Variants in P2RY8 observed in about 807,000 individuals in gnomAD.
The protein encoded by P2RY8 is P2Y receptor family member 8, also known as S-geranylgeranyl-glutathione receptor P2RY8.
In P2RY8, 6 loss-of-function variants were observed where a neutral mutation model predicts 10.0. That is an observed-to-expected ratio of 0.60 (90% confidence interval 0.33 to 1.19). The LOEUF (loss-of-function observed/expected upper bound fraction) is 1.19, where lower values mean the gene tolerates loss of function less well. P2RY8 is among the 50% of genes most tolerant of loss of function. The probability of loss-of-function intolerance (pLI) is 0.04; values close to 1 mark genes in which losing one functional copy is unlikely to be tolerated. For synonymous variants in P2RY8, 276 were observed against 252.5 expected (o/e 1.09, Z -0.88); for missense variants, 456 against 542.0 (o/e 0.84, Z 1.58).
At position 1,516,256 on chromosome X, in the gene P2RY8, T is replaced by C. The variant is rs779932278; in HGVS notation, c.-25+20665A>G. 2.7e-5 allele frequency among the ~76,000 whole-genome samples: 4 copies of C among 146,066 alleles called. No individual in the cohort carries two copies. In the East Asian group the frequency reaches 8.2e-4, roughly 30 times the overall value. ...AAGAGACCGCAGAGCATCCACGTAC[T>C]CCCTCCTTCTCTCCCTCCCTCCATT... On this transcript the variant is annotated intron_variant, in intron 1 of 1. Coordinates refer to ENST00000381297, the MANE Select transcript of P2RY8 (RefSeq NM_178129.5).
rs769463094 is a variant in P2RY8 at position 1,502,434 on chromosome X, C to G, written c.-25+34487G>C. Reference sequence around the variant, plus strand: ...CCAGGGACAGGACCCCGCTGCGAGCCAGGTTCCTCTTTCTACTGACTCTCT... The same window carrying G: ...CCAGGGACAGGACCCCGCTGCGAGCGAGGTTCCTCTTTCTACTGACTCTCT... On this transcript the variant is annotated intron_variant, in intron 1 of 1. Transcript: ENST00000381297. 1.5e-4 allele frequency among the ~76,000 whole-genome samples: 23 copies of G among 152,208 alleles called. No homozygotes were observed. The South Asian group carries it at 4.4e-3, about 29-fold the overall frequency.
At position 1,517,029 on chromosome X, in the gene P2RY8, C is replaced by T. The variant is rs187551182; in HGVS notation, c.-25+19892G>A. 1.5e-3 allele frequency among the ~76,000 whole-genome samples: 235 copies of T among 151,810 alleles called. 1 individual carries two copies. The highest frequency in any genetic ancestry group is 5.5e-3 in the African/African-American group (226 of 41,418). On this transcript the variant is annotated intron_variant, in intron 1 of 1. Coordinates refer to ENST00000381297, the MANE Select transcript of P2RY8 (RefSeq NM_178129.5). ...GAGGACACAGACACACACAGATGGA[C>T]GACTCTGTGAGGACACAGGGAGAAA...
intron 1 of P2RY8, among the ~76,000 whole-genome samples, chrX:1,502,468 T>C (rs28642991): frequency 0.037 from 5,575 of 152,160 alleles, 338 homozygotes; most frequent in African/African-American, 0.12. Flanking sequence ...CTGGGGACCC[T>C]GTTTGCCTCC....
At chrX:1,502,045 G>T (rs2092186102) in intron 1 of P2RY8, among the ~76,000 whole-genome samples, 1 of 152,080 alleles carries the variant, frequency 6.6e-6, no homozygotes, top group Non-Finnish European at 1.5e-5. Flanking sequence ...TGAATATCTG[G>T]AACTACAGGC....
chrX:1,510,208 C>T (rs1186878339), intron 1 of P2RY8, among the ~76,000 whole-genome samples: 1 of 152,094 alleles, frequency 6.6e-6, no homozygotes, highest in Non-Finnish European at 1.5e-5. Flanking sequence ...CATCCGTCTA[C>T]CTCAATATCT....
intron 1 of P2RY8, among the ~76,000 whole-genome samples, chrX:1,510,198 C>T (rs1255502109): frequency 1.1e-4 from 17 of 152,104 alleles, no homozygotes; most frequent in South Asian, 4.1e-4. Context: ...CTAATCTATT[C>T]ATCCGTCTAC....
chrX:1,535,603 C>T (rs1451508239), intron 1 of P2RY8, among the ~76,000 whole-genome samples: 1 of 151,862 alleles, frequency 6.6e-6, no homozygotes, highest in Non-Finnish European at 1.5e-5. Context: ...TCCCCACGGG[C>T]TTCAGCTCCT....
intron 1 of P2RY8, among the ~76,000 whole-genome samples, chrX:1,534,121 A>ATAT (rs2092505913): frequency 3.1e-5 from 4 of 130,152 alleles, no homozygotes; most frequent in African/African-American, 9.2e-5. Context: ...ATTTACATAT[A>ATAT]TTATATATTT....
intron 1 of P2RY8, among the ~76,000 whole-genome samples, chrX:1,531,068 G>A (rs532290598): frequency 0.21 from 31,081 of 149,620 alleles, 3,417 homozygotes; most frequent in African/African-American, 0.27. Context: ...CTGTCTGTCT[G>A]TCTATCTATC....
At chrX:1,521,625 T>G (rs1255131063) in intron 1 of P2RY8, among the ~76,000 whole-genome samples, 5 of 152,206 alleles carry the variant, frequency 3.3e-5, no homozygotes, top group African/African-American at 1.2e-4. Flanking sequence ...ACTTGGACCC[T>G]GCCTGCAGGA....
At chrX:1,519,659 T>G (rs1347755639) in intron 1 of P2RY8, among the ~76,000 whole-genome samples, 2 of 151,920 alleles carry the variant, frequency 1.3e-5, no homozygotes, top group Admixed American at 1.3e-4. Flanking sequence ...TTATCTCTGT[T>G]CCCCAATATT....
chrX:1,493,426 AGGAGGGAGGG>A (rs2092081730), intron 1 of P2RY8, among the ~76,000 whole-genome samples: 1 of 44,634 alleles, frequency 2.2e-5, no homozygotes, highest in Non-Finnish European at 4.5e-5. Context: ...AGGAGGAAGG[AGGAGGGAGGG>A]AAGGAGGAGG....
chrX:1,534,057 TA>T (rs1483358411), intron 1 of P2RY8, among the ~76,000 whole-genome samples: 1 of 126,822 alleles, frequency 7.9e-6, no homozygotes, highest in Non-Finnish European at 1.5e-5. Context: ...TTTACATATA[TA>T]TTTGTATATT....
At chrX:1,483,839 C>G (rs2091961227) in intron 1 of P2RY8, among the ~76,000 whole-genome samples, 1 of 151,774 alleles carries the variant, frequency 6.6e-6, no homozygotes, top group South Asian at 2.1e-4. Context: ...CTCCTAAACC[C>G]AATGCTGACC....
chrX:1,522,583 G>C (rs1393355521), intron 1 of P2RY8, among the ~76,000 whole-genome samples: 1 of 152,158 alleles, frequency 6.6e-6, no homozygotes, highest in Admixed American at 6.5e-5. Context: ...CTTCAGGCCA[G>C]GAGTTCAAGA....
At chrX:1,500,451 T>G (rs2092166534) in intron 1 of P2RY8, among the ~76,000 whole-genome samples, 1 of 151,498 alleles carries the variant, frequency 6.6e-6, no homozygotes, top group Admixed American at 6.6e-5. Flanking sequence ...CTAATTTTTT[T>G]TTTTGTTTTT....
chrX:1,502,824 C>A (rs2092193292), intron 1 of P2RY8, among the ~76,000 whole-genome samples: 1 of 150,886 alleles, frequency 6.6e-6, no homozygotes, highest in African/African-American at 2.4e-5. Flanking sequence ...GAGACAGAGC[C>A]TGGAATGACG....
At chrX:1,523,031 T>C (rs757020929) in intron 1 of P2RY8, among the ~76,000 whole-genome samples, 1 of 149,908 alleles carries the variant, frequency 6.7e-6, no homozygotes, top group Admixed American at 6.7e-5. Context: ...ATTGCACTAC[T>C]GCACTCCAGC....
chrX:1,513,079 T>A (rs1227644148), intron 1 of P2RY8, among the ~76,000 whole-genome samples: 1 of 148,038 alleles, frequency 6.8e-6, no homozygotes, highest in African/African-American at 2.5e-5. Context: ...TGTCTGTGTG[T>A]TCTCATTGTT....
Sources: gnomAD v4.1 joint callset for allele counts (sites outside exome capture counted in the v4.1 genomes callset) on GRCh38, gnomAD v4.1.1 for gene constraint, MANE v1.5 for transcripts, NCBI Gene and HGNC (gene_info 2026-07-23, HGNC 2026-07-21) for gene names.